CDH10: variants seen among roughly 807,000 people sequenced by gnomAD.
CDH10 encodes the protein cadherin 10.
In CDH10, 30 loss-of-function variants were observed where a neutral mutation model predicts 73.1. That is an observed-to-expected ratio of 0.41 (90% CI 0.31 to 0.56). The LOEUF (loss-of-function observed/expected upper bound fraction) is 0.56. CDH10 is among the 20% of genes least tolerant of loss of function. CDH10 has a pLI of 0.27. For missense variants in CDH10, 815 were observed against 973.7 expected (o/e 0.84, Z 2.17); for synonymous variants, 345 against 348.2 (o/e 0.99, Z 0.10).
chr5:24,642,990 AG>A (rs1260870827), intron 1 of CDH10, among the ~76,000 whole-genome samples: 2 of 151,172 alleles, frequency 1.3e-5, no homozygotes, highest in African/African-American at 4.9e-5. Flanking sequence ...AAAAAAAAAA[AG>A]TGAAAGAAGT....
intron 2 of CDH10, among the ~76,000 whole-genome samples, chr5:24,569,172 A>C (rs1006102944): frequency 6.6e-6 from 1 of 152,130 alleles, no homozygotes; most frequent in Non-Finnish European, 1.5e-5. Context: ...GAAAACATAT[A>C]ATTCCACTTA....
At chr5:24,600,957 G>A (rs1267938124) in intron 1 of CDH10, among the ~76,000 whole-genome samples, 1 of 151,628 alleles carries the variant, frequency 6.6e-6, no homozygotes, top group Non-Finnish European at 1.5e-5. Context: ...TCTTTGATGG[G>A]CCCTAGGCAG....
rs566874294 is a variant in CDH10 at position 24,560,688 on chromosome 5, T to G, written c.232-23014A>C. On this transcript the variant is annotated intron_variant, in intron 2 of 11. Transcript: ENST00000264463. ...CATGTTTTCAAGGAATCTTGGCTGC[T>G]AATCTATGCTGGAGTTGAAACTCCA... 4.4e-3 allele frequency among the ~76,000 whole-genome samples: 674 copies of G among 152,162 alleles called. 2 individuals carry two copies. The highest frequency in any genetic ancestry group is 0.015 in the African/African-American group (611 of 41,528).
intron 1 of CDH10, among the ~76,000 whole-genome samples, chr5:24,619,355 A>G (rs184686694): frequency 0.031 from 4,757 of 151,960 alleles, 138 homozygotes; most frequent in East Asian, 0.1. Context: ...CACCACGCCC[A>G]GCTAATTTTT....
intron 1 of CDH10, among the ~76,000 whole-genome samples, chr5:24,607,104 T>C (rs959058947): frequency 1.3e-5 from 2 of 151,988 alleles, no homozygotes; most frequent in Non-Finnish European, 2.9e-5. Context: ...AAACAGGGAG[T>C]CAGTGCAACA....
intron 1 of CDH10, among the ~76,000 whole-genome samples, chr5:24,631,060 A>C (rs76741470): frequency 0.016 from 2,427 of 152,204 alleles, 35 homozygotes; most frequent in Non-Finnish European, 0.021. Flanking sequence ...ATCTGCCTCA[A>C]GTCTGCAGTG....
intron 5 of CDH10, among the ~76,000 whole-genome samples, chr5:24,531,240 T>A (rs1743734076): frequency 6.6e-6 from 1 of 152,068 alleles, no homozygotes; most frequent in South Asian, 2.1e-4. Flanking sequence ...TACATTGGAA[T>A]TGTCTCACAT....
At chr5:24,578,441 A>G in intron 2 of CDH10, 1 of 331,442 alleles carries the variant, frequency 3.0e-6, no homozygotes, top group East Asian at 8.5e-5. Context: ...TTTGCCATAC[A>G]AAGAGTAATA....
intron 11 of CDH10, among the ~76,000 whole-genome samples, chr5:24,488,713 GA>G (rs373292033): frequency 3.1e-4 from 46 of 150,582 alleles, no homozygotes; most frequent in African/African-American, 9.8e-4. Flanking sequence ...GTAATTATTG[GA>G]AAAAAAACAG....
At chr5:24,543,838 G>A (rs1744241206) in intron 2 of CDH10, among the ~76,000 whole-genome samples, 1 of 152,112 alleles carries the variant, frequency 6.6e-6, no homozygotes. Context: ...AAAATGAGGA[G>A]AATGGGAGAA....
intron 1 of CDH10, chr5:24,612,378 A>C (rs181833132): frequency 6.6e-6 from 1 of 152,202 alleles, no homozygotes; most frequent in Admixed American, 6.5e-5. Context: ...GACATTTCAT[A>C]AAGTTTTACA....
At chr5:24,495,764 T>C (rs1354530532) in intron 9 of CDH10, among the ~76,000 whole-genome samples, 2 of 151,490 alleles carry the variant, frequency 1.3e-5, no homozygotes, top group Non-Finnish European at 2.9e-5. Context: ...GGAGAATCAC[T>C]TGAACCGAAC....
Position 24,552,140 on chromosome 5 carries a change from T to C in CDH10, c.232-14466A>G, listed in dbSNP as rs1477544032. The stretch of plus-strand genomic sequence containing the variant: ...TCTCAAATATACATATATCTCCATT[T>C]ATTTAGGACATCTTAATGTCTTTCA... On this transcript the variant is annotated intron_variant, in intron 2 of 11. Transcript: ENST00000264463. Among the ~76,000 whole-genome samples, 3 of 152,060 alleles carry C rather than the reference T, an allele frequency of 2.0e-5. 1 individual carries two copies. The highest frequency in any genetic ancestry group is 2.0e-4 in the Admixed American group (3 of 15,270).
At chr5:24,516,950 T>C (rs963768623) in intron 5 of CDH10, among the ~76,000 whole-genome samples, 17 of 152,030 alleles carry the variant, frequency 1.1e-4, no homozygotes, top group Non-Finnish European at 2.1e-4. Flanking sequence ...AATATGTACA[T>C]GAAAGTATTT....
chr5:24,539,885 G>T (rs1038727337), intron 2 of CDH10, among the ~76,000 whole-genome samples: 1 of 152,034 alleles, frequency 6.6e-6, no homozygotes, highest in Admixed American at 6.6e-5. Flanking sequence ...CCAAGTTACA[G>T]ATTTAAGCAC....
At chr5:24,552,902 T>TC (rs1397714307) in intron 2 of CDH10, among the ~76,000 whole-genome samples, 1 of 152,114 alleles carries the variant, frequency 6.6e-6, no homozygotes, top group Non-Finnish European at 1.5e-5. Context: ...TCTGACAGAT[T>TC]CCAAAAGGGA....
intron 1 of CDH10, among the ~76,000 whole-genome samples, chr5:24,601,445 T>C (rs143976647): frequency 6.6e-6 from 1 of 152,160 alleles, no homozygotes; most frequent in African/African-American, 2.4e-5. Flanking sequence ...AAAATTTACA[T>C]GCTAATGTCC....
At chr5:24,493,322 C>A (rs377433166) in intron 9 of CDH10, among the ~76,000 whole-genome samples, 8 of 151,548 alleles carry the variant, frequency 5.3e-5, no homozygotes, top group African/African-American at 1.7e-4. Flanking sequence ...GAAAAATGGT[C>A]GAGGAATGTA....
chr5:24,500,371 T>C (rs1742446326), intron 8 of CDH10, among the ~76,000 whole-genome samples: 1 of 152,236 alleles, frequency 6.6e-6, no homozygotes, highest in African/African-American at 2.4e-5. Flanking sequence ...AGAGAAAATT[T>C]AAAATGCATC....
Sources: allele counts gnomAD v4.1 joint callset (sites outside exome capture counted in the v4.1 genomes callset), GRCh38; gene constraint gnomAD v4.1.1; transcripts MANE v1.5; gene names NCBI Gene and HGNC (gene_info 2026-07-23, HGNC 2026-07-21).